Variants in FHIT observed in about 807,000 individuals in gnomAD.
FHIT encodes bis(5'-adenosyl)-triphosphatase.
FHIT carries 19 observed loss-of-function variants against 17.9 expected under a neutral mutation model. The observed-to-expected ratio is 1.06, with a 90% CI of 0.74 to 1.56. The LOEUF (loss-of-function observed/expected upper bound fraction) is 1.56, where lower values mean the gene tolerates loss of function less well. FHIT is among the 40% of genes most tolerant of loss of function. The probability of loss-of-function intolerance (pLI) is 0.00; values close to 1 mark genes in which losing one functional copy is unlikely to be tolerated. For synonymous variants in FHIT, 81 were observed against 69.7 expected, an observed-to-expected ratio of 1.16 and a Z score of -0.81; for missense variants, 248 against 189.2, an observed-to-expected ratio of 1.31 and a Z score of -1.82.
intron 5 of FHIT, among the ~76,000 whole-genome samples, chr3:60,438,704 C>T (rs944602993): frequency 6.6e-5 from 10 of 152,022 alleles, no homozygotes; most frequent in African/African-American, 2.4e-4. Context: ...ATAATCAATC[C>T]CCTTTTTACT....
intron 5 of FHIT, among the ~76,000 whole-genome samples, chr3:60,149,040 G>C (rs1323086413): frequency 1.3e-5 from 2 of 152,100 alleles, no homozygotes; most frequent in African/African-American, 4.8e-5. Flanking sequence ...CATAGTTGTT[G>C]ACATGCCAGG....
intron 7 of FHIT, among the ~76,000 whole-genome samples, chr3:59,986,315 T>C (rs1423222707): frequency 6.6e-6 from 1 of 151,318 alleles, no homozygotes; most frequent in African/African-American, 2.4e-5. Flanking sequence ...GGAAGGATAG[T>C]TAAGAAACAC....
intron 5 of FHIT, among the ~76,000 whole-genome samples, chr3:60,309,727 G>A (rs974823623): frequency 6.6e-6 from 1 of 152,012 alleles, no homozygotes; most frequent in Non-Finnish European, 1.5e-5. Flanking sequence ...ATAGTTGCTT[G>A]CTTCCTTTCC....
chr3:59,766,801 C>T (rs1701818196), intron 8 of FHIT, among the ~76,000 whole-genome samples: 4 of 152,140 alleles, frequency 2.6e-5, no homozygotes. Context: ...GGGTAGGAAA[C>T]ACAGACAAGA....
intron 5 of FHIT, among the ~76,000 whole-genome samples, chr3:60,414,330 C>A (rs1176164902): frequency 2.0e-5 from 3 of 152,096 alleles, no homozygotes; most frequent in Non-Finnish European, 4.4e-5. Flanking sequence ...GCAGAATTAC[C>A]GGACTAGAGC....
At chr3:60,256,632 C>G (rs529728807) in intron 5 of FHIT, among the ~76,000 whole-genome samples, 1 of 152,274 alleles carries the variant, frequency 6.6e-6, no homozygotes, top group South Asian at 2.1e-4. Flanking sequence ...AGCCACCAGG[C>G]TCTCCTTTCT....
At chr3:61,032,686 G>T (rs1003162096) in intron 3 of FHIT, among the ~76,000 whole-genome samples, 2 of 152,210 alleles carry the variant, frequency 1.3e-5, no homozygotes, top group Non-Finnish European at 2.9e-5. Context: ...GAGCTAAAAG[G>T]AACAGCCTAG....
At position 59,874,395 on chromosome 3, in the gene FHIT, CA is replaced by C. The variant is rs1703058946; in HGVS notation, c.348+47950del. The stretch of plus-strand genomic sequence containing the variant: ...TGGTAGTTCTCAAGCTTTACTGTTT[CA>C]GAATTCCCTGGAGTGCTTGCTGAAT... On this transcript the variant is annotated intron_variant, in intron 8 of 9. Transcript: ENST00000492590. Among the ~76,000 whole-genome samples, 3 of 152,318 alleles carry C rather than the reference CA, an allele frequency of 2.0e-5. No homozygotes were observed. In the South Asian group the frequency reaches 6.2e-4, roughly 32 times the overall value.
At chr3:60,163,534 CCT>C (rs1188458342) in intron 5 of FHIT, among the ~76,000 whole-genome samples, 1 of 152,092 alleles carries the variant, frequency 6.6e-6, no homozygotes, top group Non-Finnish European at 1.5e-5. Context: ...ATGTGGTTCC[CCT>C]GTCAAGAAAA....
At chr3:59,895,225 G>A (rs192788567) in intron 8 of FHIT, among the ~76,000 whole-genome samples, 74 of 152,300 alleles carry the variant, frequency 4.9e-4, no homozygotes, top group Non-Finnish European at 8.4e-4. Flanking sequence ...GGATTAGCAC[G>A]GAACACAGAG....
chr3:60,536,882 A>G lies in FHIT; in HGVS notation c.81T>C (p.Asn27=). 6 of 1,610,234 alleles carry G rather than the reference A, an allele frequency of 3.7e-6. No homozygotes were observed. Among genetic ancestry groups the G allele is most frequent in the Middle Eastern group, 3.3e-4 (2 of 6,034 alleles). ...TACGTCCTGGTACCACAGGTTTCCT[A>G]TTCACAAGAGCGAAGGACAGTTCTG... ...LKTELSFALV[N]RKPVVPGHVL... The change falls in exon 5 of 10, where the codon AAT becomes AAC. Residue 27 remains asparagine, a synonymous_variant. Coordinates refer to ENST00000492590, the MANE Select transcript of FHIT (RefSeq NM_002012.4).
At chr3:60,483,255 G>A (rs549262074) in intron 5 of FHIT, among the ~76,000 whole-genome samples, 9 of 152,268 alleles carry the variant, frequency 5.9e-5, no homozygotes, top group African/African-American at 1.9e-4. Context: ...GAGGTACAAA[G>A]AGGAACTGGT....
chr3:60,878,823 C>T (rs1487128212), intron 3 of FHIT, among the ~76,000 whole-genome samples: 1 of 152,158 alleles, frequency 6.6e-6, no homozygotes, highest in Non-Finnish European at 1.5e-5. Context: ...ATGAACTCAT[C>T]CTTTTTTATG....
rs1415059925 is a variant in FHIT at position 60,258,099 on chromosome 3, CA to C, written c.104-243948del. ...ACACACACACACACACACACACACA[CA>C]CCTCTGCAGATTTTGTACACACTCC... On this transcript the variant is annotated intron_variant, in intron 5 of 9. Coordinates refer to ENST00000492590, the MANE Select transcript of FHIT (RefSeq NM_002012.4). Among the ~76,000 whole-genome samples the C allele has an allele frequency of 3.6e-3, 535 of 147,606 alleles. 11 individuals are homozygous for C. The highest frequency in any genetic ancestry group is 2.2e-3 in the Non-Finnish European group (148 of 67,068).
rs1410569569 is a variant in FHIT, at chr3:59,876,814, C to T, written c.348+45532G>A. On this transcript the variant is annotated intron_variant, in intron 8 of 9. Coordinates refer to ENST00000492590, the MANE Select transcript of FHIT (RefSeq NM_002012.4). The stretch of plus-strand genomic sequence containing the variant: ...AACTCCAATTTTGAGAGGAAGCTAC[C>T]CTTTTTCATTTGTTCAACTTCTTCT... Among the ~76,000 whole-genome samples the T allele has an allele frequency of 2.6e-5, 4 of 152,312 alleles. No homozygotes were observed. In the South Asian group the frequency reaches 8.3e-4, roughly 32 times the overall value.
intron 5 of FHIT, among the ~76,000 whole-genome samples, chr3:60,026,015 G>A (rs1700727577): frequency 6.6e-6 from 1 of 151,650 alleles, no homozygotes; most frequent in Non-Finnish European, 1.5e-5. Context: ...TCCAAGGCCT[G>A]TAAAGGGGGG....
chr3:59,963,419 T>A (rs1266194720), intron 7 of FHIT, among the ~76,000 whole-genome samples: 1 of 152,104 alleles, frequency 6.6e-6, no homozygotes, highest in Non-Finnish European at 1.5e-5. Flanking sequence ...GTACCGTTAG[T>A]TCCTCAAATT....
intron 5 of FHIT, among the ~76,000 whole-genome samples, chr3:60,441,113 T>C (rs895405622): frequency 3.9e-5 from 6 of 152,144 alleles, no homozygotes; most frequent in Middle Eastern, 3.4e-3. Context: ...AACCAGGTGA[T>C]ATCACTATCT....
chr3:60,104,256 AC>A (rs1225681183), intron 5 of FHIT, among the ~76,000 whole-genome samples: 7 of 152,254 alleles, frequency 4.6e-5, no homozygotes, highest in Non-Finnish European at 1.0e-4. Context: ...CCTTGTCAAC[AC>A]ATCATCAATC....
Sources: gnomAD v4.1 joint callset for allele counts (sites outside exome capture counted in the v4.1 genomes callset) on GRCh38, gnomAD v4.1.1 for gene constraint, MANE v1.5 for transcripts, NCBI Gene and HGNC (gene_info 2026-07-23, HGNC 2026-07-21) for gene names.